The following NLGN1 variants were observed in gnomAD, a reference collection of about 807,000 sequenced individuals.
The protein encoded by NLGN1 is neuroligin 1.
In NLGN1, 12 loss-of-function variants were observed where a neutral mutation model predicts 65.5. The observed-to-expected ratio is 0.18, with a 90% CI of 0.12 to 0.30. The LOEUF (loss-of-function observed/expected upper bound fraction) is 0.30. Ranked by LOEUF, NLGN1 falls within the 10% of genes least tolerant of loss-of-function variation. The pLI is 1.00. For synonymous variants in NLGN1, 350 were observed against 359.5 expected, an observed-to-expected ratio of 0.97 and a Z score of 0.30; for missense variants, 750 against 1,007.1, an observed-to-expected ratio of 0.74 and a Z score of 3.46.
chr3:173,422,159 A>C (rs1198660029), intron 1 of NLGN1, among the ~76,000 whole-genome samples: 2 of 152,144 alleles, frequency 1.3e-5, no homozygotes, highest in African/African-American at 4.8e-5. Flanking sequence ...ACACACACAC[A>C]CACATACACA....
chr3:174,160,125 A>G (rs190069380), intron 4 of NLGN1, among the ~76,000 whole-genome samples: 2 of 151,764 alleles, frequency 1.3e-5, no homozygotes, highest in Middle Eastern at 3.4e-3. Context: ...CACATGCTCT[A>G]TAAACAGAAG....
chr3:173,543,420 CT>C (rs1739222014), intron 2 of NLGN1, among the ~76,000 whole-genome samples: 1 of 152,038 alleles, frequency 6.6e-6, no homozygotes, highest in Admixed American at 6.6e-5. Context: ...ATTATTCTGC[CT>C]TTTTAAAGCA....
chr3:174,145,097 G>A lies in NLGN1; in HGVS notation c.647-130218G>A, dbSNP rs998962082. ...TTTTTGTATAAGGTGTAAGGAAGGG[G>A]TCCAGTTTTAGTTTTCTGCATATGG... On this transcript the variant is annotated intron_variant, in intron 4 of 6. Transcript: ENST00000457714. 1.3e-5 allele frequency among the ~76,000 whole-genome samples: 2 copies of A among 151,976 alleles called. 1 individual carries two copies. The highest frequency in any genetic ancestry group is 4.2e-4 in the South Asian group (2 of 4,818).
At chr3:173,762,746 G>A (rs1778168575) in intron 3 of NLGN1, among the ~76,000 whole-genome samples, 1 of 152,024 alleles carries the variant, frequency 6.6e-6, no homozygotes, top group Admixed American at 6.6e-5. Context: ...GACATGGAAA[G>A]TGACTGCTTA....
intron 3 of NLGN1, among the ~76,000 whole-genome samples, chr3:173,726,873 G>A (rs1410973662): frequency 1.3e-5 from 2 of 150,934 alleles, no homozygotes; most frequent in Admixed American, 6.6e-5. Context: ...GTAACAGGGA[G>A]TAGAGATAAT....
chr3:174,010,009 CT>C (rs1725210062), intron 4 of NLGN1, among the ~76,000 whole-genome samples: 1 of 152,092 alleles, frequency 6.6e-6, no homozygotes, highest in African/African-American at 2.4e-5. Context: ...ACAAAAAGAA[CT>C]TTAATCAATG....
chr3:173,609,330 CT>C lies in NLGN1; in HGVS notation c.493+4242del, dbSNP rs1751909483. 2.0e-5 allele frequency among the ~76,000 whole-genome samples: 3 copies of C among 151,958 alleles called. No homozygotes were observed. The South Asian group carries it at 6.2e-4, about 31-fold the overall frequency. On this transcript the variant is annotated intron_variant, in intron 3 of 6. Coordinates refer to ENST00000457714, the Ensembl canonical transcript of NLGN1. Reference sequence around the variant, plus strand: ...TTTGTATTGTGCAGAAGATTAAAATCTTTGTATATGACTCTGGTACAGTCAT... The same window carrying C: ...TTTGTATTGTGCAGAAGATTAAAATCTTGTATATGACTCTGGTACAGTCAT...
At chr3:174,181,385 C>T (rs1025360559) in intron 4 of NLGN1, among the ~76,000 whole-genome samples, 3 of 152,072 alleles carry the variant, frequency 2.0e-5, no homozygotes, top group Non-Finnish European at 4.4e-5. Flanking sequence ...TTGTCCGATG[C>T]TACCATCTCA....
intron 3 of NLGN1, among the ~76,000 whole-genome samples, chr3:173,665,900 C>T (rs1002512555): frequency 3.3e-5 from 5 of 152,026 alleles, no homozygotes; most frequent in Admixed American, 6.5e-5. Context: ...GTATTAATTT[C>T]GGCCTTCCAT....
chr3:173,989,960 C>T (rs996580564), intron 4 of NLGN1, among the ~76,000 whole-genome samples: 2 of 152,162 alleles, frequency 1.3e-5, no homozygotes, highest in Admixed American at 1.3e-4. Context: ...ATCACCAGCT[C>T]ACTTACAGAC....
At chr3:173,996,719 T>C (rs1302825502) in intron 4 of NLGN1, among the ~76,000 whole-genome samples, 1 of 152,148 alleles carries the variant, frequency 6.6e-6, no homozygotes, top group Non-Finnish European at 1.5e-5. Flanking sequence ...GAACTACACT[T>C]TGGACTACTT....
intron 2 of NLGN1, among the ~76,000 whole-genome samples, chr3:173,538,615 G>A (rs1737859053): frequency 6.6e-6 from 1 of 152,156 alleles, no homozygotes; most frequent in South Asian, 2.1e-4. Context: ...GGTCACTGGA[G>A]GAAGTGGTGT....
chr3:173,943,000 G>T (rs1746431007), intron 4 of NLGN1, among the ~76,000 whole-genome samples: 5 of 152,112 alleles, frequency 3.3e-5, no homozygotes, highest in Admixed American at 3.3e-4. Flanking sequence ...TGAGATAGGT[G>T]TATTGCTTGA....
At chr3:173,861,481 T>C (rs1193139311) in intron 4 of NLGN1, among the ~76,000 whole-genome samples, 1 of 151,516 alleles carries the variant, frequency 6.6e-6, no homozygotes, top group East Asian at 1.9e-4. Context: ...AGTTAATAGA[T>C]ATTGTTAAGA....
chr3:173,717,734 G>A (rs533785097), intron 3 of NLGN1, among the ~76,000 whole-genome samples: 114 of 152,236 alleles, frequency 7.5e-4, no homozygotes, highest in African/African-American at 2.6e-3. Flanking sequence ...AGTCCTGCAA[G>A]CATCAGGAGC....
chr3:173,828,117 A>C (rs1299811472), intron 4 of NLGN1, among the ~76,000 whole-genome samples: 3 of 152,150 alleles, frequency 2.0e-5, no homozygotes, highest in East Asian at 1.9e-4. Context: ...AGGATATTTT[A>C]TAATTTTCAT....
intron 4 of NLGN1, among the ~76,000 whole-genome samples, chr3:174,018,254 A>G (rs1175126014): frequency 6.6e-6 from 1 of 152,054 alleles, no homozygotes; most frequent in Non-Finnish European, 1.5e-5. Flanking sequence ...AGGTGCCCAC[A>G]TTTCATATTG....
intron 1 of NLGN1, among the ~76,000 whole-genome samples, chr3:173,414,792 C>T (rs907825548): frequency 6.6e-6 from 1 of 152,046 alleles, no homozygotes; most frequent in Admixed American, 6.6e-5. Context: ...AGCAGGACCA[C>T]GAAAGGTGAA....
chr3:173,788,356 T>C (rs1711769284), intron 3 of NLGN1, among the ~76,000 whole-genome samples: 1 of 151,984 alleles, frequency 6.6e-6, no homozygotes, highest in East Asian at 1.9e-4. Context: ...AAATGCAACA[T>C]AAAATATCAA....
Sources: gnomAD v4.1 joint callset for allele counts (sites outside exome capture counted in the v4.1 genomes callset) on GRCh38, gnomAD v4.1.1 for gene constraint, MANE v1.5 for transcripts, NCBI Gene and HGNC (gene_info 2026-07-23, HGNC 2026-07-21) for gene names.